Variants in TMEM120B observed in about 807,000 individuals in gnomAD.
TMEM120B encodes the protein transmembrane protein 120B.
Under a neutral mutation model 55.5 loss-of-function variants are expected in TMEM120B, and 31 were observed. The observed-to-expected ratio is 0.56, with a 90% confidence interval of 0.42 to 0.75. TMEM120B has a LOEUF of 0.75. Among genes scored for constraint, TMEM120B ranks in the 30% least tolerant of loss-of-function variants. TMEM120B has a pLI of 0.00. For missense variants in TMEM120B, 399 were observed against 425.5 expected (o/e 0.94, Z 0.55); for synonymous variants, 203 against 176.3 (o/e 1.15, Z -1.20).
chr12:121,760,597 G>A (rs1873645472), intron 5 of TMEM120B, among the ~76,000 whole-genome samples: 1 of 152,180 alleles, frequency 6.6e-6, no homozygotes, highest in Admixed American at 6.5e-5. Flanking sequence ...CTGTCATTTT[G>A]CCTCCTAGTG....
At chr12:121,714,527 T>A (rs1052571551) in intron 1 of TMEM120B, among the ~76,000 whole-genome samples, 1 of 150,952 alleles carries the variant, frequency 6.6e-6, no homozygotes, top group African/African-American at 2.4e-5. Context: ...ATTACAGGCA[T>A]GAGCCACTGT....
intron 9 of TMEM120B, among the ~76,000 whole-genome samples, chr12:121,773,962 T>G (rs1874151581): frequency 6.9e-6 from 1 of 145,878 alleles, no homozygotes. Context: ...TTTTTTTTTT[T>G]TTTTTTTTTT....
chr12:121,775,657 C>G lies in TMEM120B; in HGVS notation c.955C>G (p.Leu319Val). 2 of 1,614,070 alleles carry G rather than the reference C, an allele frequency of 1.2e-6. No individual in the cohort carries two copies. The highest frequency in any genetic ancestry group is 1.3e-5 in the African/African-American group (1 of 75,038). The change falls in exon 12 of 12, where the codon CTG becomes GTG. Residue 319 changes from leucine to valine, a missense_variant. Transcript: ENST00000449592. The surrounding 1 kb of genome is among the most constrained non-coding windows in gnomAD (Gnocchi z 4.3). Reference sequence around the variant, plus strand: ...CCTCATCCTCTTCCTCGGCAACTTCCTGACCACGCTCAAAGTCGTGCATGC... The same window carrying G: ...CCTCATCCTCTTCCTCGGCAACTTCGTGACCACGCTCAAAGTCGTGCATGC... ...TFLILFLGNF[L>V]TTLKVVHAKL...
intron 1 of TMEM120B, among the ~76,000 whole-genome samples, chr12:121,716,066 G>A (rs868400537): frequency 2.7e-5 from 4 of 150,662 alleles, no homozygotes; most frequent in South Asian, 2.1e-4. Flanking sequence ...GGACAAGTTG[G>A]GAGGACCGCT....
rs1874353706 is a variant in TMEM120B, at chr12:121,779,338, C to G, written c.*3616C>G. On this transcript the variant is annotated 3_prime_UTR_variant, in exon 12 of 12. Coordinates refer to ENST00000449592, the MANE Select transcript of TMEM120B (RefSeq NM_001080825.2). ...TGGAGGGGAGTTTGTGGTCAGAGCC[C>G]CAGCCAGGAAAGGAGAGAGTTCCAG... is the stretch of plus-strand genomic sequence containing the variant. The G allele has an allele frequency of 3.9e-6, 3 of 778,128 alleles. No homozygotes were observed. Among genetic ancestry groups the G allele is most frequent in the Non-Finnish European group, 4.0e-6 (2 of 499,356 alleles). 48.2% of individuals were successfully genotyped at this position (778,128 alleles called of 1,614,324 possible).
intron 5 of TMEM120B, chr12:121,758,305 A>G (rs1873543497): frequency 1.0e-6 from 1 of 985,382 alleles, no homozygotes; most frequent in Non-Finnish European, 1.2e-6. Flanking sequence ...ATCCCCACAC[A>G]GCGGTCTGCC....
Position 121,779,550 on chromosome 12 carries a change from G to T in TMEM120B, c.*3828G>T, listed in dbSNP as rs373624346. On this transcript the variant is annotated 3_prime_UTR_variant, in exon 12 of 12. Transcript: ENST00000449592. ...CTTCTGCCGTTGCGCCTTCTTCAGA[G>T]CGCTGAGAGCCACCTTGGCGGCCTC... The T allele has an allele frequency of 1.2e-6, 2 of 1,614,006 alleles. No homozygotes were observed. The highest frequency in any genetic ancestry group is 4.5e-5 in the East Asian group (2 of 44,886).
At chr12:121,739,222 G>T (rs1009297147) in intron 1 of TMEM120B, among the ~76,000 whole-genome samples, 1 of 151,960 alleles carries the variant, frequency 6.6e-6, no homozygotes, top group Non-Finnish European at 1.5e-5. Flanking sequence ...TTAAATTCAC[G>T]AAAGACAGAG....
At chr12:121,769,220 TC>T (rs1315042110) in intron 6 of TMEM120B, among the ~76,000 whole-genome samples, 1 of 150,856 alleles carries the variant, frequency 6.6e-6, no homozygotes, top group Non-Finnish European at 1.5e-5. Flanking sequence ...GAAACAGAGT[TC>T]CCATAGCCTC....
chr12:121,750,908 CCA>C (rs1873283829), intron 4 of TMEM120B, among the ~76,000 whole-genome samples: 2 of 119,160 alleles, frequency 1.7e-5, no homozygotes, highest in Non-Finnish European at 1.8e-5. Flanking sequence ...CACCCACACC[CCA>C]CACCCCACAC....
At chr12:121,728,604 G>A (rs1894941921) in intron 1 of TMEM120B, among the ~76,000 whole-genome samples, 1 of 151,092 alleles carries the variant, frequency 6.6e-6, no homozygotes, top group African/African-American at 2.4e-5. Context: ...ACAGGCATGA[G>A]CCACCGCGCC....
intron 1 of TMEM120B, among the ~76,000 whole-genome samples, chr12:121,723,232 A>G (rs1894830981): frequency 6.6e-6 from 1 of 152,104 alleles, no homozygotes; most frequent in Non-Finnish European, 1.5e-5. Context: ...CAGTGGCGGT[A>G]TCATAGCTCA....
At chr12:121,762,403 C>T (rs1044122702) in intron 6 of TMEM120B, among the ~76,000 whole-genome samples, 9 of 152,208 alleles carry the variant, frequency 5.9e-5, no homozygotes, top group Non-Finnish European at 1.3e-4. Context: ...CCAGCAACTC[C>T]AGGCTCATGT....
chr12:121,744,518 C>T (rs556019256), intron 2 of TMEM120B, among the ~76,000 whole-genome samples: 9 of 152,306 alleles, frequency 5.9e-5, no homozygotes, highest in African/African-American at 1.7e-4. Flanking sequence ...ACTGGGGTTG[C>T]TGGTGTAGTG....
chr12:121,715,620 C>T (rs1259054298), intron 1 of TMEM120B, among the ~76,000 whole-genome samples: 2 of 152,202 alleles, frequency 1.3e-5, no homozygotes, highest in East Asian at 3.9e-4. Flanking sequence ...GAAGGGACTG[C>T]ATCCTACTTT....
rs765165747 is a variant in TMEM120B, at chr12:121,748,431, C to G, written c.294C>G (p.Pro98=). 1.2e-6 allele frequency: 2 copies of G among 1,608,260 alleles called. No homozygotes were observed. Among genetic ancestry groups the G allele is most frequent in the Admixed American group, 1.7e-5 (1 of 59,528 alleles). ...TCTTCGACATGGAGGCCTACCTGCC[C>G]AAGAAGAACGGGTAGGAGCTGGCAA... ...DVFFDMEAYL[P]KKNGLYLNLV... Residue 98 remains proline, a synonymous_variant, in exon 3 of 12, where the codon CCC becomes CCG. Transcript: ENST00000449592.
Position 121,781,335 on chromosome 12 carries a change from C to T in TMEM120B, c.*5613C>T, listed in dbSNP as rs1592955639. The T allele has an allele frequency of 4.3e-6, 3 of 690,736 alleles. No individual in the cohort carries two copies. The highest frequency in any genetic ancestry group is 7.3e-6 in the Non-Finnish European group (3 of 411,896). 42.8% of individuals were successfully genotyped at this position (690,736 alleles called of 1,614,324 possible). On this transcript the variant is annotated 3_prime_UTR_variant, in exon 12 of 12. Transcript: ENST00000449592. The stretch of plus-strand genomic sequence containing the variant: ...TACAATGGGCAGCAAGCCAGGAGTG[C>T]TGGCACAGGCCTGTGGTCGCAGCTA...
chr12:121,774,675 A>G lies in TMEM120B; in HGVS notation c.790A>G (p.Met264Val). The G allele has an allele frequency of 6.2e-7, 1 of 1,613,772 alleles. No individual in the cohort carries two copies. Among genetic ancestry groups the G allele is most frequent in the Non-Finnish European group, 8.5e-7 (1 of 1,179,852 alleles). Reference protein sequence around the residue: ...DLTVEGFQSWMWRGLTFLLPF... With the variant: ...DLTVEGFQSWVWRGLTFLLPF... ...CTCCACAGAAGGGTTCCAGTCCTGG[A>G]TGTGGCGGGGCCTCACCTTTCTCCT... The change falls in exon 10 of 12, where the codon ATG (methionine) becomes GTG (valine). Residue 264 changes from methionine (M) to valine (V), a missense_variant. Met to Val is a conservative substitution (Grantham distance 21). Transcript: ENST00000449592.
chr12:121,739,847 C>A lies in TMEM120B; in HGVS notation c.70-3782C>A, dbSNP rs1872879509. ...GAGACAGAGTGCAGTGGTGTGATCTCAGCTCACTGCAATCTCCCCCTCCCG... is the reference window on the plus strand; with the variant it reads ...GAGACAGAGTGCAGTGGTGTGATCTAAGCTCACTGCAATCTCCCCCTCCCG... On this transcript the variant is annotated intron_variant, in intron 1 of 11. Coordinates refer to ENST00000449592, the MANE Select transcript of TMEM120B (RefSeq NM_001080825.2). Among the ~76,000 whole-genome samples, 10 of 137,074 alleles carry A rather than the reference C, an allele frequency of 7.3e-5. No individual in the cohort carries two copies. The Admixed American group carries it at 8.0e-4, about 11-fold the overall frequency. 89.9% of individuals were successfully genotyped at this position (137,074 alleles called of 152,430 possible).
Sources: gnomAD v4.1 joint callset for allele counts (sites outside exome capture counted in the v4.1 genomes callset) on GRCh38, gnomAD v4.1.1 for gene constraint, Gnocchi (gnomAD v3.1) non-coding constraint, MANE v1.5 for transcripts, NCBI Gene and HGNC (gene_info 2026-07-23, HGNC 2026-07-21) for gene names.